The following FZD3 variants were observed in gnomAD, a reference collection of about 807,000 sequenced individuals.
FZD3 encodes the protein frizzled class receptor 3, also known as frizzled-3.
Under a neutral mutation model 60.7 loss-of-function variants are expected in FZD3, and 30 were observed. The ratio of observed to expected loss-of-function variants is 0.49; its 90% CI spans 0.37 to 0.67. FZD3 has a LOEUF of 0.67. Ranked by LOEUF, FZD3 falls within the 30% of genes least tolerant of loss-of-function variation. FZD3 has a pLI of 0.00. For synonymous variants in FZD3, 246 were observed against 275.2 expected (o/e 0.89, Z 1.05); for missense variants, 605 against 838.7 (o/e 0.72, Z 3.44).
intron 3 of FZD3, among the ~76,000 whole-genome samples, chr8:28,510,454 A>G (rs1804256611): frequency 6.6e-6 from 1 of 152,194 alleles, no homozygotes; most frequent in South Asian, 2.1e-4. Context: ...TCACAGCTTT[A>G]CCAAAATAAT....
chr8:28,558,853 G>A (rs2130471382), intron 7 of FZD3, among the ~76,000 whole-genome samples: 1 of 152,256 alleles, frequency 6.6e-6, no homozygotes, highest in Admixed American at 6.5e-5. Context: ...CATTCTAGGA[G>A]CATATAACCT....
chr8:28,503,215 C>T lies in FZD3; in HGVS notation c.189+13C>T. 6.4e-7 allele frequency: 1 copy of T among 1,569,572 alleles called. No individual in the cohort carries two copies. Among genetic ancestry groups the T allele is most frequent in the East Asian group, 2.2e-5 (1 of 44,606 alleles). On this transcript the variant is annotated intron_variant, in intron 3 of 7. Transcript: ENST00000240093. ...TTTGGCAATGGAGGTAAGACTTGATCTATTCTTTGACGTATCTTAGTAAAT... is the reference window on the plus strand; with the variant it reads ...TTTGGCAATGGAGGTAAGACTTGATTTATTCTTTGACGTATCTTAGTAAAT...
rs10098716 is a variant in FZD3, at chr8:28,537,224, T to C, written c.1404+9060T>C. Among the ~76,000 whole-genome samples the C allele has an allele frequency of 5.1e-3, 772 of 152,338 alleles. 4 individuals are homozygous for C. Among genetic ancestry groups the C allele is most frequent in the African/African-American group, 0.016 (648 of 41,586 alleles). On this transcript the variant is annotated intron_variant, in intron 5 of 7. Transcript: ENST00000240093. ...GACTATTATAGAAATTTATAGAAACTGTAATACTGTTATGTCCTGGTTGTA... is the reference window on the plus strand; with the variant it reads ...GACTATTATAGAAATTTATAGAAACCGTAATACTGTTATGTCCTGGTTGTA...
At position 28,502,919 on chromosome 8, in the gene FZD3, G is replaced by T. The variant is rs1241314954; in HGVS notation, c.-95G>T. 2.9e-5 allele frequency: 21 copies of T among 730,720 alleles called. No individual in the cohort carries two copies. The highest frequency in any genetic ancestry group is 4.6e-5 in the Non-Finnish European group (20 of 435,308). 45.3% of individuals were successfully genotyped at this position (730,720 alleles called of 1,614,324 possible). ...AAGAATTTAACAGTAAGATACAGAA[G>T]AAGTACCTTCGAGCTGAGACCTGCA... On this transcript the variant is annotated 5_prime_UTR_variant, in exon 3 of 8. Coordinates refer to ENST00000240093, the MANE Select transcript of FZD3 (RefSeq NM_017412.4).
rs575262455 is a variant in FZD3 at position 28,543,099 on chromosome 8, C to T, written c.1405-8504C>T. Among the ~76,000 whole-genome samples the T allele has an allele frequency of 7.2e-5, 11 of 152,310 alleles. No individual in the cohort carries two copies. The East Asian group carries it at 1.2e-3, about 16-fold the overall frequency. ...ATAAAAAGTGATTTGACTTATGTCA[C>T]GTTGCTCAGGCCAGTGGTCTTCACA... On this transcript the variant is annotated intron_variant, in intron 5 of 7. Coordinates refer to ENST00000240093, the MANE Select transcript of FZD3 (RefSeq NM_017412.4).
intron 5 of FZD3, among the ~76,000 whole-genome samples, chr8:28,535,547 T>C (rs941506524): frequency 4.6e-5 from 7 of 152,186 alleles, no homozygotes; most frequent in African/African-American, 1.7e-4. Context: ...TCAGCCTCTC[T>C]TTGTTTTTGA....
rs528605008 is a variant in FZD3, at chr8:28,555,706, A to G, written c.1554-32A>G. 21 of 1,165,254 alleles carry G rather than the reference A, an allele frequency of 1.8e-5. 1 individual carries two copies. In the South Asian group the frequency reaches 2.0e-4, roughly 11 times the overall value. 72.2% of individuals were successfully genotyped at this position (1,165,254 alleles called of 1,614,324 possible). ...CTTATTGGTCTGAAGGAAGATTGGTATGTATCTTAAACTTACTATTTTGTT... is the reference window on the plus strand; with the variant it reads ...CTTATTGGTCTGAAGGAAGATTGGTGTGTATCTTAAACTTACTATTTTGTT... On this transcript the variant is annotated intron_variant, in intron 6 of 7. Transcript: ENST00000240093.
chr8:28,527,538 G>A lies in FZD3; in HGVS notation c.778G>A (p.Asp260Asn), dbSNP rs1804746700. Residue 260 changes from aspartate to asparagine, a missense_variant, in exon 5 of 8, where the codon GAT becomes AAT. Asp to Asn is a conservative substitution (Grantham distance 23). Transcript: ENST00000240093. The surrounding 1 kb of genome is among the most constrained non-coding windows in gnomAD (Gnocchi z 5.0). ...TTTCTTCATTGGATTTTTGCTTGAA[G>A]ATCGAGTAGCCTGCAATGCATCCAT... ...LIFFIGFLLE[D>N]RVACNASIPA... 6 of 1,613,962 alleles carry A rather than the reference G, an allele frequency of 3.7e-6. No individual in the cohort carries two copies. In the South Asian group the frequency reaches 6.6e-5, roughly 18 times the overall value.
chr8:28,550,897 A>G (rs759733092), intron 5 of FZD3, among the ~76,000 whole-genome samples: 2 of 152,114 alleles, frequency 1.3e-5, no homozygotes, highest in Non-Finnish European at 2.9e-5. Context: ...TTTTTGTTCT[A>G]TAGAAGTTTT....
At chr8:28,559,343 T>C (rs956015471) in intron 7 of FZD3, among the ~76,000 whole-genome samples, 21 of 149,558 alleles carry the variant, frequency 1.4e-4, no homozygotes, top group South Asian at 6.2e-4. Context: ...AGTGGGCATA[T>C]GAGTCAGAGA....
chr8:28,552,551 G>A (rs1247401612), intron 6 of FZD3, among the ~76,000 whole-genome samples: 1 of 152,016 alleles, frequency 6.6e-6, no homozygotes, highest in South Asian at 2.1e-4. Flanking sequence ...CTAAGTTAGT[G>A]GATTCTATAT....
Position 28,564,694 on chromosome 8 carries a change from A to G in FZD3, c.*1683A>G, listed in dbSNP as rs1156332938. The G allele has an allele frequency of 6.6e-6, 1 of 152,220 alleles. No individual in the cohort carries two copies. Among genetic ancestry groups the G allele is most frequent in the Non-Finnish European group, 1.5e-5 (1 of 68,034 alleles). 9.4% of individuals were successfully genotyped at this position (152,220 alleles called of 1,614,324 possible). On this transcript the variant is annotated 3_prime_UTR_variant, in exon 8 of 8. Transcript: ENST00000240093. ...AAAGTGATAGGACTTTAAAATCTGT[A>G]GTTATAAAAATACCGCAGGTGATTC...
At chr8:28,554,953 C>T (rs1393559108) in intron 6 of FZD3, among the ~76,000 whole-genome samples, 1 of 152,084 alleles carries the variant, frequency 6.6e-6, no homozygotes, top group East Asian at 1.9e-4. Flanking sequence ...AAGACACTAA[C>T]CTTTACAACT....
At chr8:28,513,806 C>T (rs1409892872) in intron 3 of FZD3, among the ~76,000 whole-genome samples, 1 of 152,140 alleles carries the variant, frequency 6.6e-6, no homozygotes, top group Admixed American at 6.5e-5. Flanking sequence ...CTATGGTTAC[C>T]AGACCCTTTG....
chr8:28,505,803 C>T (rs370255291), intron 3 of FZD3, among the ~76,000 whole-genome samples: 1 of 152,192 alleles, frequency 6.6e-6, no homozygotes, highest in African/African-American at 2.4e-5. Context: ...GATCTTCTTA[C>T]ATTGTGTCTA....
At position 28,568,012 on chromosome 8, in the gene FZD3, C is replaced by G. The variant is rs1285228353; in HGVS notation, c.*5001C>G. The G allele has an allele frequency of 4.6e-5, 7 of 152,128 alleles. No homozygotes were observed. The highest frequency in any genetic ancestry group is 1.9e-4 in the East Asian group (1 of 5,176). 9.4% of individuals were successfully genotyped at this position (152,128 alleles called of 1,614,324 possible). ...GAGAAAAAGTTTTGAAAAAGTGATT[C>G]ACTTGTTGGTTTTCATTGTGGCAAA... On this transcript the variant is annotated 3_prime_UTR_variant, in exon 8 of 8. Coordinates refer to ENST00000240093, the MANE Select transcript of FZD3 (RefSeq NM_017412.4).
intron 2 of FZD3, 29 bp downstream of exon 2, chr8:28,500,007 A>G (rs1417864341): frequency 6.6e-6 from 1 of 152,208 alleles, no homozygotes; most frequent in African/African-American, 2.4e-5. Flanking sequence ...ATCATTCTCC[A>G]GGATTCAGAT....
At chr8:28,514,623 A>C (rs1303114677) in intron 3 of FZD3, among the ~76,000 whole-genome samples, 1 of 152,192 alleles carries the variant, frequency 6.6e-6, no homozygotes, top group East Asian at 1.9e-4. Context: ...GTTTTGTATA[A>C]ATAGAATCAT....
rs1212740956 is a variant in FZD3, at chr8:28,527,970, A to T, written c.1210A>T (p.Ile404Phe). The T allele has an allele frequency of 6.2e-7, 1 of 1,613,988 alleles. No individual in the cohort carries two copies. The highest frequency in any genetic ancestry group is 8.5e-7 in the Non-Finnish European group (1 of 1,179,876). ...IISLNRVRIE[I>F]PLEKENQDKL... The stretch of plus-strand genomic sequence containing the variant: ...ATCCCTAAACAGAGTTCGAATTGAG[A>T]TTCCATTAGAAAAGGAGAACCAAGA... Residue 404 changes from isoleucine (I) to phenylalanine (F), a missense_variant, in exon 5 of 8, where the codon ATT (isoleucine) becomes TTT (phenylalanine). Ile to Phe is a conservative substitution (Grantham distance 21, BLOSUM62 0). Coordinates refer to ENST00000240093, the MANE Select transcript of FZD3 (RefSeq NM_017412.4). The surrounding 1 kb of genome is among the most constrained non-coding windows in gnomAD (Gnocchi z 5.0).
Sources: allele counts gnomAD v4.1 joint callset (sites outside exome capture counted in the v4.1 genomes callset), GRCh38; gene constraint gnomAD v4.1.1; non-coding constraint Gnocchi (gnomAD v3.1); transcripts MANE v1.5; gene names NCBI Gene and HGNC (gene_info 2026-07-23, HGNC 2026-07-21).